Variants in GRK7 observed in about 807,000 individuals in gnomAD.
The protein encoded by GRK7 is rhodopsin kinase GRK7.
In GRK7, 24 loss-of-function variants were observed where a neutral mutation model predicts 34.1. The ratio of observed to expected loss-of-function variants is 0.70; its 90% CI spans 0.51 to 0.99. The LOEUF (loss-of-function observed/expected upper bound fraction) is 0.99. GRK7 is among the 50% of genes least tolerant of loss of function. The pLI, the probability that GRK7 is intolerant of heterozygous loss-of-function variation, is 0.00. For missense variants in GRK7, 644 were observed against 707.3 expected (o/e 0.91, Z 1.02); for synonymous variants, 256 against 279.4 (o/e 0.92, Z 0.84).
upstream of GRK7, among the ~76,000 whole-genome samples, chr3:141,759,519 G>A (rs1342675465): frequency 1.7e-4 from 24 of 143,608 alleles, no homozygotes; most frequent in African/African-American, 6.0e-4. Context: ...CTTGATCATG[G>A]TGGATAAGCT....
In GRK7 at chr3:141,804,607, G is replaced by A. The variant is rs543855964; in HGVS notation, c.1051-3038G>A. On this transcript the variant is annotated intron_variant, in intron 4 of 5. Transcript: ENST00000682958. ...CATACACATACAGGCACTCACACAC[G>A]CATACACACGCTCATACATACACAC... Among the ~76,000 whole-genome samples the A allele has an allele frequency of 3.5e-4, 51 of 146,800 alleles. 1 individual carries two copies. Among genetic ancestry groups the A allele is most frequent in the South Asian group, 2.9e-3 (13 of 4,528 alleles).
chr3:141,806,239 C>G (rs1207921018), intron 4 of GRK7, among the ~76,000 whole-genome samples: 1 of 152,100 alleles, frequency 6.6e-6, no homozygotes, highest in African/African-American at 2.4e-5. Flanking sequence ...CCTTTCGTTT[C>G]CCATTGCTCT....
chr3:141,799,474 T>C (rs1710928434), intron 4 of GRK7, among the ~76,000 whole-genome samples: 1 of 151,770 alleles, frequency 6.6e-6, no homozygotes, highest in Admixed American at 6.6e-5. Flanking sequence ...TAGCCGGGCG[T>C]GGTGGTGAGC....
Position 141,765,447 on chromosome 3 carries a change from G to T in GRK7, c.-506G>T, listed in dbSNP as rs2084576415. On this transcript the variant is annotated 5_prime_UTR_variant, in exon 1 of 6. Coordinates refer to ENST00000682958, the MANE Select transcript of GRK7 (RefSeq NM_139209.3). ...TTCACAGCACTTACCACCATCTGTG[G>T]TGGGTTGGAAAACATGGCCACAGTA... is the stretch of plus-strand genomic sequence containing the variant. 6.6e-6 allele frequency among the ~76,000 whole-genome samples: 1 copy of T among 152,028 alleles called. No individual in the cohort carries two copies. The highest frequency in any genetic ancestry group is 1.5e-5 in the Non-Finnish European group (1 of 68,022).
intron 4 of GRK7, among the ~76,000 whole-genome samples, chr3:141,802,097 G>T (rs904482490): frequency 6.6e-6 from 1 of 152,090 alleles, no homozygotes; most frequent in Non-Finnish European, 1.5e-5. Context: ...GGCTGGTTGT[G>T]GTGGCTCATG....
chr3:141,755,381 A>G, the GRK7 span, among the ~76,000 whole-genome samples: 1 of 152,178 alleles, frequency 6.6e-6, no homozygotes, highest in Non-Finnish European at 1.5e-5. Flanking sequence ...TAATGCTCTT[A>G]CCCAGCAATT....
intron 4 of GRK7, among the ~76,000 whole-genome samples, chr3:141,801,606 G>C (rs888462714): frequency 2.6e-5 from 4 of 151,894 alleles, no homozygotes; most frequent in Admixed American, 2.6e-4. Context: ...TAGGACAGTT[G>C]GTATACAAAT....
chr3:141,755,990 G>A, the GRK7 span, among the ~76,000 whole-genome samples: 1 of 145,304 alleles, frequency 6.9e-6, no homozygotes, highest in Admixed American at 6.9e-5. Flanking sequence ...TCATAGAATG[G>A]AACACTACTC....
At chr3:141,797,817 T>C (rs1163331119) in intron 4 of GRK7, among the ~76,000 whole-genome samples, 5 of 152,110 alleles carry the variant, frequency 3.3e-5, no homozygotes, top group Non-Finnish European at 7.4e-5. Flanking sequence ...ATAGTGGAAT[T>C]GGAGGTTGCC....
intron 4 of GRK7, among the ~76,000 whole-genome samples, chr3:141,789,656 C>CAAAGAAAAAAAAAAAAAAAAAAA (rs2084713791): frequency 8.4e-6 from 1 of 119,232 alleles, no homozygotes; most frequent in African/African-American, 3.5e-5. Context: ...GCCAAATGGG[C>CAAAGAAAAAAAAAAAAAAAAAAA]AAAAAAAAAA....
chr3:141,774,464 C>T (rs1217012116), intron 1 of GRK7, among the ~76,000 whole-genome samples, 116 bp from the exon 2 acceptor site: 2 of 152,036 alleles, frequency 1.3e-5, no homozygotes, highest in Non-Finnish European at 2.9e-5. Flanking sequence ...GAAAATGTTT[C>T]ATTTTAAATA....
chr3:141,814,547 A>T (rs1212203630), intron 5 of GRK7, among the ~76,000 whole-genome samples: 1 of 152,188 alleles, frequency 6.6e-6, no homozygotes, highest in African/African-American at 2.4e-5. Flanking sequence ...TGCTGCAAAG[A>T]ACATGATTTC....
Position 141,778,136 on chromosome 3 carries a change from AAC to A in GRK7, c.-113-35_-113-34del. 1 of 946,812 alleles carries A rather than the reference AAC, an allele frequency of 1.1e-6. No individual in the cohort carries two copies. The highest frequency in any genetic ancestry group is 1.6e-6 in the Non-Finnish European group (1 of 642,642). 58.7% of individuals were successfully genotyped at this position (946,812 alleles called of 1,614,324 possible). A position where few individuals can be genotyped will look rare whatever the true frequency, so the allele number is the denominator to read the frequency against. ...GCCAGTCAAAGCTTCTTACAAGAGA[AAC>A]CTCTTTCACACCCTCCACGGGTCCC... is the stretch of plus-strand genomic sequence containing the variant. On this transcript the variant is annotated intron_variant, in intron 2 of 5. Coordinates refer to ENST00000682958, the MANE Select transcript of GRK7 (RefSeq NM_139209.3). This position sits in a 1 kb window ranked among gnomAD's most constrained non-coding sequence, Gnocchi z 4.1.
intron 4 of GRK7, among the ~76,000 whole-genome samples, chr3:141,796,955 T>C (rs375890107): frequency 6.6e-6 from 1 of 152,138 alleles, no homozygotes; most frequent in Non-Finnish European, 1.5e-5. Flanking sequence ...ATCTGTTTTA[T>C]CGTTTTAATC....
chr3:141,768,444 AT>A (rs1323258139), intron 1 of GRK7, among the ~76,000 whole-genome samples: 2 of 151,552 alleles, frequency 1.3e-5, no homozygotes, highest in South Asian at 2.1e-4. Flanking sequence ...CACCTGGCTA[AT>A]TTTTTTGTAT....
rs191707077 is a variant in GRK7 at position 141,772,903 on chromosome 3, C to T, written c.-214-1677C>T. Among the ~76,000 whole-genome samples the T allele has an allele frequency of 1.6e-4, 24 of 152,016 alleles. No individual in the cohort carries two copies. In the East Asian group the frequency reaches 2.7e-3, roughly 17 times the overall value. ...ATCCCAGCACTTTGGGAGGCTGAGG[C>T]GGGCAGATCACTTGAGGTTAGGAGG... On this transcript the variant is annotated intron_variant, in intron 1 of 5. Transcript: ENST00000682958.
rs1442895135 is a variant in GRK7 at position 141,801,570 on chromosome 3, G to T, written c.1051-6075G>T. On this transcript the variant is annotated intron_variant, in intron 4 of 5. Transcript: ENST00000682958. The stretch of plus-strand genomic sequence containing the variant: ...TTGTTTAAATGATTGTATGATTTAA[G>T]TTTAAATTTTACTTTTAAAAGTTTA... 2.0e-5 allele frequency among the ~76,000 whole-genome samples: 3 copies of T among 152,082 alleles called. No homozygotes were observed. In the East Asian group the frequency reaches 5.8e-4, roughly 29 times the overall value.
chr3:141,794,467 C>G (rs940497983), intron 4 of GRK7, among the ~76,000 whole-genome samples: 1 of 152,296 alleles, frequency 6.6e-6, no homozygotes, highest in South Asian at 2.1e-4. Flanking sequence ...ATGAAAAGCA[C>G]ATCGTAAGAG....
intron 5 of GRK7, among the ~76,000 whole-genome samples, chr3:141,809,353 C>T: frequency 6.6e-6 from 1 of 152,070 alleles, no homozygotes; most frequent in East Asian, 1.9e-4. Flanking sequence ...ATATTGCCAA[C>T]TGTTAAAATT....
Sources: gnomAD v4.1 joint callset for allele counts (sites outside exome capture counted in the v4.1 genomes callset) on GRCh38, gnomAD v4.1.1 for gene constraint, Gnocchi (gnomAD v3.1) non-coding constraint, MANE v1.5 for transcripts, NCBI Gene and HGNC (gene_info 2026-07-23, HGNC 2026-07-21) for gene names.